STX18: variants seen among roughly 807,000 people sequenced by gnomAD.
STX18 encodes syntaxin 18.
A neutral mutation model predicts 50.1 loss-of-function variants in STX18; 40 were observed. The observed-to-expected ratio is 0.80, with a 90% CI of 0.62 to 1.04. The LOEUF is 1.04. STX18 is among the 50% of genes least tolerant of loss of function. The probability of loss-of-function intolerance (pLI) is 0.00; values close to 1 mark genes in which losing one functional copy is unlikely to be tolerated. For missense variants in STX18, 410 were observed against 415.8 expected, an observed-to-expected ratio of 0.99 and a Z score of 0.12; for synonymous variants, 158 against 151.8, an observed-to-expected ratio of 1.04 and a Z score of -0.30.
At chr4:4,517,947 G>C (rs1730355795) in intron 1 of STX18, among the ~76,000 whole-genome samples, 1 of 151,950 alleles carries the variant, frequency 6.6e-6, no homozygotes, top group African/African-American at 2.4e-5. Context: ...GCTAATTTTT[G>C]TATTTTTAGT....
intron 1 of STX18, among the ~76,000 whole-genome samples, chr4:4,514,152 T>A (rs1011091193): frequency 6.6e-6 from 1 of 152,208 alleles, no homozygotes; most frequent in Non-Finnish European, 1.5e-5. Context: ...TCAATACTGT[T>A]TACTGACTAT....
At chr4:4,542,098 G>A (rs1731639958), upstream of STX18, 2 of 1,160,844 alleles carry the variant, frequency 1.7e-6, no homozygotes, top group Non-Finnish European at 2.3e-6. Context: ...GAGAAGAAAG[G>A]TTCCGGCCTG....
intron 6 of STX18, among the ~76,000 whole-genome samples, chr4:4,438,026 G>A (rs548414058): frequency 2.0e-3 from 302 of 152,312 alleles, no homozygotes; most frequent in African/African-American, 6.6e-3. Context: ...CACTCTACCC[G>A]GATGCAGGCC....
chr4:4,432,357 CCCTGCCATGAT>C (rs1725559616), intron 7 of STX18, among the ~76,000 whole-genome samples: 1 of 152,246 alleles, frequency 6.6e-6, no homozygotes, highest in Admixed American at 6.5e-5. Context: ...CATGCCCTGA[CCCTGCCATGAT>C]GGCATGCATG....
chr4:4,511,397 T>C (rs1729997840), intron 1 of STX18, among the ~76,000 whole-genome samples: 1 of 152,234 alleles, frequency 6.6e-6, no homozygotes, highest in Admixed American at 6.5e-5. Flanking sequence ...ATCATAATCA[T>C]TCCTAAAAAT....
chr4:4,420,826 G>C lies in STX18; in HGVS notation c.912+38C>G. On this transcript the variant is annotated intron_variant, in intron 10 of 10. Transcript: ENST00000306200. The surrounding 1 kb of genome is among the most constrained non-coding windows in gnomAD (Gnocchi z 4.3). ...ACACCCGCTGCTGGGACTCAGTGCTGCGCCACGTCGCACCTGGGGAACCTA... is the reference window on the plus strand; with the variant it reads ...ACACCCGCTGCTGGGACTCAGTGCTCCGCCACGTCGCACCTGGGGAACCTA... The C allele has an allele frequency of 6.3e-7, 1 of 1,578,284 alleles. No individual in the cohort carries two copies.
intron 1 of STX18, among the ~76,000 whole-genome samples, chr4:4,509,322 G>C (rs1403282986): frequency 6.6e-6 from 1 of 152,000 alleles, no homozygotes; most frequent in Non-Finnish European, 1.5e-5. Context: ...GTGATGCTGA[G>C]CTTTTTTTCA....
intron 1 of STX18, among the ~76,000 whole-genome samples, chr4:4,500,377 G>A (rs919662427): frequency 1.4e-4 from 22 of 152,168 alleles, no homozygotes; most frequent in African/African-American, 5.3e-4. Flanking sequence ...AACATGTGCA[G>A]ATTTTTTTCT....
At chr4:4,492,104 T>C (rs1728969305) in intron 1 of STX18, among the ~76,000 whole-genome samples, 1 of 152,124 alleles carries the variant, frequency 6.6e-6, no homozygotes, top group Non-Finnish European at 1.5e-5. Context: ...TAATAGCTTC[T>C]CTTATAGGGA....
At chr4:4,488,328 A>G (rs1233901757) in intron 1 of STX18, among the ~76,000 whole-genome samples, 1 of 152,224 alleles carries the variant, frequency 6.6e-6, no homozygotes, top group Non-Finnish European at 1.5e-5. Context: ...TTTTGTTTGA[A>G]TTATAATATC....
intron 1 of STX18, among the ~76,000 whole-genome samples, chr4:4,475,462 A>T (rs1208880695): frequency 8.2e-6 from 1 of 122,016 alleles, no homozygotes; most frequent in Non-Finnish European, 1.6e-5. Context: ...TAATTTCTTT[A>T]AAAAAAAACA....
chr4:4,527,881 T>TATATATA (rs1730870147), intron 1 of STX18, among the ~76,000 whole-genome samples: 1 of 149,274 alleles, frequency 6.7e-6, no homozygotes, highest in African/African-American at 2.5e-5. Flanking sequence ...TATATATATA[T>TATATATA]TAAAAACTAC....
intron 8 of STX18, 178 bp from the exon 9 acceptor site, chr4:4,423,765 C>T: frequency 1.6e-6 from 1 of 629,128 alleles, no homozygotes; most frequent in Non-Finnish European, 2.8e-6. Context: ...TACTGGGTCA[C>T]CTTCCCTGTC....
chr4:4,541,498 T>C (rs558246173), intron 1 of STX18, among the ~76,000 whole-genome samples: 20 of 152,328 alleles, frequency 1.3e-4, no homozygotes, highest in African/African-American at 4.3e-4. Context: ...GGCGAACTCA[T>C]GACCTCACAA....
intron 1 of STX18, among the ~76,000 whole-genome samples, chr4:4,540,543 A>G (rs1731537301): frequency 6.6e-6 from 1 of 152,166 alleles, no homozygotes; most frequent in African/African-American, 2.4e-5. Flanking sequence ...TCGCCTCTAT[A>G]AAGCCTTTTC....
At chr4:4,508,485 A>G (rs1729840216) in intron 1 of STX18, among the ~76,000 whole-genome samples, 1 of 152,182 alleles carries the variant, frequency 6.6e-6, no homozygotes, top group Non-Finnish European at 1.5e-5. Context: ...GCCAGATTCT[A>G]AAATGTCAGG....
At chr4:4,502,532 T>C (rs1183087680) in intron 1 of STX18, among the ~76,000 whole-genome samples, 1 of 151,948 alleles carries the variant, frequency 6.6e-6, no homozygotes, top group Non-Finnish European at 1.5e-5. Flanking sequence ...AGGTTTGGAG[T>C]CAAATTTTAC....
intron 1 of STX18, among the ~76,000 whole-genome samples, chr4:4,476,619 A>G (rs1047070646): frequency 3.3e-5 from 5 of 152,264 alleles, no homozygotes; most frequent in Non-Finnish European, 7.3e-5. Flanking sequence ...GATATTAAGG[A>G]ATAATAAATT....
At chr4:4,473,055 G>A (rs1728000844) in intron 1 of STX18, among the ~76,000 whole-genome samples, 3 of 152,202 alleles carry the variant, frequency 2.0e-5, no homozygotes, top group Admixed American at 6.5e-5. Flanking sequence ...ACACTTTCAC[G>A]TACATGGCCT....
Sources: allele counts gnomAD v4.1 joint callset (sites outside exome capture counted in the v4.1 genomes callset), GRCh38; gene constraint gnomAD v4.1.1; non-coding constraint Gnocchi (gnomAD v3.1); transcripts MANE v1.5; gene names NCBI Gene and HGNC (gene_info 2026-07-23, HGNC 2026-07-21).